The following LCT variants were observed in gnomAD, a reference collection of about 807,000 sequenced individuals.
LCT encodes lactase.
In LCT, 90 loss-of-function variants were observed where a neutral mutation model predicts 173.0. That is an observed-to-expected ratio of 0.52 (90% CI 0.44 to 0.62). The LOEUF (loss-of-function observed/expected upper bound fraction) is 0.62, where lower values mean the gene tolerates loss of function less well. Among genes scored for constraint, LCT ranks in the 20% least tolerant of loss-of-function variants. LCT has a pLI of 0.00. For synonymous variants in LCT, 853 were observed against 957.6 expected, an observed-to-expected ratio of 0.89 and a Z score of 2.02; for missense variants, 1,864 against 2,431.4, an observed-to-expected ratio of 0.77 and a Z score of 4.91.
chr2:135,798,896 C>T lies in LCT; in HGVS notation c.4867-758G>A, dbSNP rs957669112. Among the ~76,000 whole-genome samples the T allele has an allele frequency of 2.4e-4, 37 of 152,292 alleles. No individual in the cohort carries two copies. The East Asian group carries it at 3.5e-3, about 14-fold the overall frequency. ...TAAATGCACCCACTCCAAGGTAACA[C>T]ACTAGATATTTTCGTGGAAGCTGAT... On this transcript the variant is annotated intron_variant, in intron 12 of 16. Coordinates refer to ENST00000264162, the MANE Select transcript of LCT (RefSeq NM_002299.4).
intron 11 of LCT, among the ~76,000 whole-genome samples, chr2:135,803,666 C>T (rs916897469): frequency 1.3e-5 from 2 of 152,366 alleles, no homozygotes; most frequent in Admixed American, 1.3e-4. Context: ...AATTTGCCCA[C>T]ATCTCTGATC....
intron 4 of LCT, 97 bp downstream of exon 4, chr2:135,823,804 T>C: frequency 1.2e-6 from 1 of 818,524 alleles, no homozygotes; most frequent in South Asian, 1.4e-5. Flanking sequence ...CCTCCCATGC[T>C]CCTCCTCCCA....
At chr2:135,791,755 G>A (rs1029666086) in intron 14 of LCT, among the ~76,000 whole-genome samples, 7 of 152,180 alleles carry the variant, frequency 4.6e-5, no homozygotes, top group African/African-American at 1.4e-4. Context: ...GACTCTGGGG[G>A]TTTCAGGATA....
chr2:135,817,311 A>C, intron 6 of LCT, 30 bp downstream of exon 6: 7 of 1,607,982 alleles, frequency 4.4e-6, no homozygotes, highest in Non-Finnish European at 5.9e-6. Flanking sequence ...TTCTCCTCCA[A>C]TTAGTAGGAG....
chr2:135,828,191 A>G (rs1009049266), intron 3 of LCT, among the ~76,000 whole-genome samples: 1 of 152,000 alleles, frequency 6.6e-6, no homozygotes, highest in African/African-American at 2.4e-5. Context: ...CACCCATCTA[A>G]TTTTTGTATT....
chr2:135,804,878 G>A lies in LCT; in HGVS notation c.4353C>T (p.Ile1451=). The A allele has an allele frequency of 6.2e-7, 1 of 1,614,184 alleles. No individual in the cohort carries two copies. Among genetic ancestry groups the A allele is most frequent in the Non-Finnish European group, 8.5e-7 (1 of 1,180,016 alleles). Residue 1451 remains isoleucine, a synonymous_variant, in exon 10 of 17, where the codon ATC becomes ATT. Coordinates refer to ENST00000264162, the MANE Select transcript of LCT (RefSeq NM_002299.4). ...NLGVSHYRFS[I]SWSRILPDGT... Reference sequence around the variant, plus strand: ...CATCAGGGAGGATGCGAGACCAGGAGATGGAAAAACGGTAGTGGGACACGC... The same window carrying A: ...CATCAGGGAGGATGCGAGACCAGGAAATGGAAAAACGGTAGTGGGACACGC...
intron 2 of LCT, among the ~76,000 whole-genome samples, chr2:135,832,184 C>A (rs955287844): frequency 5.3e-5 from 8 of 151,634 alleles, no homozygotes; most frequent in Admixed American, 1.3e-4. Context: ...CCACTGCACT[C>A]CAGCCTGGGC....
intron 14 of LCT, among the ~76,000 whole-genome samples, chr2:135,792,982 G>A (rs2077544358): frequency 6.6e-6 from 1 of 152,102 alleles, no homozygotes; most frequent in South Asian, 2.1e-4. Context: ...CTCCTCTCTT[G>A]AAAGTGCCAC....
chr2:135,801,160 C>T (rs1050847057), intron 11 of LCT, among the ~76,000 whole-genome samples: 3 of 152,072 alleles, frequency 2.0e-5, no homozygotes, highest in African/African-American at 4.8e-5. Flanking sequence ...AAGAGTGGCT[C>T]GTACGTCTCA....
rs764782703 is a variant in LCT at position 135,800,740 on chromosome 2, G to A, written c.4733C>T (p.Ala1578Val). Residue 1578 changes from alanine to valine, a missense_variant, in exon 12 of 17, where the codon GCC (alanine) becomes GTC (valine). By Grantham distance (64) the Ala-to-Val change is moderately conservative (BLOSUM62 0). Coordinates refer to ENST00000264162, the MANE Select transcript of LCT (RefSeq NM_002299.4). ...GTACACATCGTTGTACAGATGCCAG[G>A]CCTCAGCATGAGCCTTTATTAGATT... ...GHNLIKAHAE[A>V]WHLYNDVYRA... The A allele has an allele frequency of 1.2e-6, 2 of 1,614,140 alleles. No homozygotes were observed. The highest frequency in any genetic ancestry group is 4.5e-5 in the East Asian group (2 of 44,878).
intron 1 of LCT, among the ~76,000 whole-genome samples, chr2:135,834,649 G>A (rs1211391493): frequency 4.6e-5 from 7 of 150,886 alleles, no homozygotes; most frequent in African/African-American, 1.5e-4. Flanking sequence ...TTAGCCAGAT[G>A]TGGTGGTGCG....
chr2:135,825,860 G>C (rs1249957834), intron 3 of LCT, among the ~76,000 whole-genome samples: 1 of 152,228 alleles, frequency 6.6e-6, no homozygotes, highest in Non-Finnish European at 1.5e-5. Flanking sequence ...TTCAAGGGGA[G>C]GGTGGGGTTC....
At position 135,809,496 on chromosome 2, in the gene LCT, T is replaced by C. The variant is rs2077714207; in HGVS notation, c.2851A>G (p.Ile951Val). The change falls in exon 8 of 17, where the codon ATC (isoleucine) becomes GTC (valine). Residue 951 changes from isoleucine (I) to valine (V), a missense_variant. By Grantham distance (29) the Ile-to-Val change is conservative (BLOSUM62 3). Coordinates refer to ENST00000264162, the MANE Select transcript of LCT (RefSeq NM_002299.4). This position sits in a 1 kb window ranked among gnomAD's most constrained non-coding sequence, Gnocchi z 5.5. Reference protein sequence around the residue: ...SNVKDNATGDIACDSYHQLDA... With the variant: ...SNVKDNATGDVACDSYHQLDA... The stretch of plus-strand genomic sequence containing the variant: ...AGCTGGTGATAGCTGTCACAGGCGA[T>C]GTCTCCAGTGGCATTGTCTTTCACA... 1 of 1,614,126 alleles carries C rather than the reference T, an allele frequency of 6.2e-7. No homozygotes were observed. The highest frequency in any genetic ancestry group is 1.1e-5 in the South Asian group (1 of 91,092).
In LCT at chr2:135,804,792, A is replaced by G. The variant is rs1575336376; in HGVS notation, c.4439T>C (p.Leu1480Pro). 1.9e-6 allele frequency: 3 copies of G among 1,612,920 alleles called. No homozygotes were observed. Among genetic ancestry groups the G allele is most frequent in the African/African-American group, 1.3e-5 (1 of 74,894 alleles). The change falls in exon 10 of 17, where the codon CTG becomes CCG. Residue 1480 changes from leucine to proline, a missense_variant. This residue lies in a region of LCT where 514 missense variants were observed against 750.1 expected (regional missense o/e 0.69). Coordinates refer to ENST00000264162, the MANE Select transcript of LCT (RefSeq NM_002299.4). ...CTGGGGCTGGATGCTGGCGGCCAGC[A>G]GTGTATCGATGAGCCTCACGTAGTA... ...LNYYVRLIDT[L>P]LAASIQPQVT...
intron 13 of LCT, among the ~76,000 whole-genome samples, chr2:135,795,001 T>G (rs1474974507): frequency 6.6e-6 from 1 of 151,362 alleles, no homozygotes; most frequent in African/African-American, 2.4e-5. Flanking sequence ...CAAGAGCCTC[T>G]GAAACCTGAA....
chr2:135,824,025 A>C, intron 3 of LCT, 22 bp from the exon 4 acceptor site: 1 of 1,448,066 alleles, frequency 6.9e-7, no homozygotes, highest in Non-Finnish European at 9.7e-7. Flanking sequence ...AAGGACCAGC[A>C]AGTGAACTGA....
At chr2:135,821,655 A>G (rs541776705) in intron 5 of LCT, 1 of 278,816 alleles carries the variant, frequency 3.6e-6, no homozygotes, top group Non-Finnish European at 6.9e-6. Flanking sequence ...TAATTTTTGT[A>G]TTTTTGTAAT....
chr2:135,817,329 G>T lies in LCT; in HGVS notation c.1707+12C>A. 1 of 1,613,344 alleles carries T rather than the reference G, an allele frequency of 6.2e-7. No individual in the cohort carries two copies. The highest frequency in any genetic ancestry group is 8.5e-7 in the Non-Finnish European group (1 of 1,179,554). On this transcript the variant is annotated intron_variant, in intron 6 of 16. Transcript: ENST00000264162. ...TCCTCCAATTAGTAGGAGCTGCAGGGTTGGGAAGTACCTTAAAAGAGGCCA... is the reference window on the plus strand; with the variant it reads ...TCCTCCAATTAGTAGGAGCTGCAGGTTTGGGAAGTACCTTAAAAGAGGCCA...
rs766990221 is a variant in LCT at position 135,809,594 on chromosome 2, A to G, written c.2753T>C (p.Ile918Thr). The change falls in exon 8 of 17, where the codon ATT becomes ACT. Residue 918 changes from isoleucine (I) to threonine (T), a missense_variant. Transcript: ENST00000264162. The surrounding 1 kb of genome is among the most constrained non-coding windows in gnomAD (Gnocchi z 5.5). ...GCCATCGGCATCCCACGCGCCTTCA[A>G]TCTGATAAGCGGAAGAGGACACGCC... is the stretch of plus-strand genomic sequence containing the variant. ...LWGVSSSAYQIEGAWDADGKG... is the reference protein window; with the variant it reads ...LWGVSSSAYQTEGAWDADGKG... 1 of 1,614,196 alleles carries G rather than the reference A, an allele frequency of 6.2e-7. No individual in the cohort carries two copies. Among genetic ancestry groups the G allele is most frequent in the Non-Finnish European group, 8.5e-7 (1 of 1,180,040 alleles).
Sources: gnomAD v4.1 joint callset for allele counts (sites outside exome capture counted in the v4.1 genomes callset) on GRCh38, gnomAD v4.1.1 for gene constraint, gnomAD v4.1.1 regional missense constraint, Gnocchi (gnomAD v3.1) non-coding constraint, MANE v1.5 for transcripts, NCBI Gene and HGNC (gene_info 2026-07-23, HGNC 2026-07-21) for gene names.